The following SERBP1 variants were observed in gnomAD, a reference collection of about 807,000 sequenced individuals.
The protein encoded by SERBP1 is SERPINE1 mRNA-binding protein 1.
Under a neutral mutation model 50.2 loss-of-function variants are expected in SERBP1, and 6 were observed. The ratio of observed to expected loss-of-function variants is 0.12; its 90% CI spans 0.07 to 0.24. The LOEUF is 0.24. Among genes scored for constraint, SERBP1 ranks in the 10% least tolerant of loss-of-function variants. The pLI, the probability that SERBP1 is intolerant of heterozygous loss-of-function variation, is 1.00. For synonymous variants in SERBP1, 168 were observed against 182.8 expected (o/e 0.92, Z 0.65); for missense variants, 346 against 524.9 (o/e 0.66, Z 3.33).
intron 7 of SERBP1, among the ~76,000 whole-genome samples, chr1:67,413,545 A>G (rs1008764845): frequency 2.6e-5 from 4 of 151,178 alleles, no homozygotes; most frequent in African/African-American, 9.7e-5. Context: ...ACTACTCAAG[A>G]GGCTGAGGCA....
intron 4 of SERBP1, 79 bp downstream of exon 4, chr1:67,424,809 A>C: frequency 9.5e-7 from 1 of 1,057,764 alleles, no homozygotes; most frequent in Non-Finnish European, 1.5e-6. Flanking sequence ...TTCTTATCTC[A>C]GAGACAAGTA....
At position 67,415,248 on chromosome 1, in the gene SERBP1, C is replaced by T; in HGVS notation, c.1043G>A (p.Gly348Asp). ...SQLEINFGDL[G>D]RPGRGGRGGR... is the part of the protein sequence containing the mutation. Reference sequence around the variant, plus strand: ...TCCCCTGCCGCCACGTCCTGGGCGGCCAAGGTCTCCAAAATTGATCTCCAG... The same window carrying T: ...TCCCCTGCCGCCACGTCCTGGGCGGTCAAGGTCTCCAAAATTGATCTCCAG... The change falls in exon 7 of 8, where the codon GGC becomes GAC. Residue 348 changes from glycine (G) to aspartate (D), a missense_variant. Transcript: ENST00000361219. 6.2e-7 allele frequency: 1 copy of T among 1,613,304 alleles called. No homozygotes were observed. The highest frequency in any genetic ancestry group is 8.5e-7 in the Non-Finnish European group (1 of 1,179,594).
In SERBP1 at chr1:67,409,430, C is replaced by CACACACACACACACACACACACACA. The variant is rs1264200348; in HGVS notation, c.*3776_*3777insTGTGTGTGTGTGTGTGTGTGTGTGT. ...ACACACACACACACACCCCCACACA[C>CACACACACACACACACACACACACA]ACCAGGTCACAGGCTGAACTTTGCT... On this transcript the variant is annotated 3_prime_UTR_variant, in exon 8 of 8. Coordinates refer to ENST00000361219, the MANE Select transcript of SERBP1 (RefSeq NM_001018069.2). The CACACACACACACACACACACACACA allele has an allele frequency of 5.4e-5, 8 of 148,354 alleles. No individual in the cohort carries two copies. The highest frequency in any genetic ancestry group is 2.1e-4 in the African/African-American group (8 of 38,950). 9.2% of individuals were successfully genotyped at this position (148,354 alleles called of 1,614,324 possible).
chr1:67,426,382 C>A, intron 1 of SERBP1, 97 bp from the exon 2 acceptor site: 1 of 1,249,418 alleles, frequency 8.0e-7, no homozygotes, highest in Non-Finnish European at 1.1e-6. Context: ...CAATCCACTA[C>A]CATTTCCTGT....
At position 67,409,387 on chromosome 1, in the gene SERBP1, A is replaced by ACACACACCCC. The variant is rs1666746557; in HGVS notation, c.*3819_*3820insGGGGTGTGTG. 1 of 31,744 alleles carries ACACACACCCC rather than the reference A, an allele frequency of 3.2e-5. No individual in the cohort carries two copies. The highest frequency in any genetic ancestry group is 5.8e-5 in the Non-Finnish European group (1 of 17,326). 2.0% of individuals were successfully genotyped at this position (31,744 alleles called of 1,614,324 possible). On this transcript the variant is annotated 3_prime_UTR_variant, in exon 8 of 8. Coordinates refer to ENST00000361219, the MANE Select transcript of SERBP1 (RefSeq NM_001018069.2). ...AACCATTCTTAACTCAGGGACACGG[A>ACACACACCCC]CACACACACACACACACACACACAC... is the stretch of plus-strand genomic sequence containing the variant.
chr1:67,426,334 A>G, intron 1 of SERBP1, 49 bp from the exon 2 acceptor site: 1 of 1,529,690 alleles, frequency 6.5e-7, no homozygotes, highest in Non-Finnish European at 8.8e-7. Flanking sequence ...TGCAATCCAA[A>G]AACTTTAGGC....
At chr1:67,427,273 G>C (rs995137065) in intron 1 of SERBP1, among the ~76,000 whole-genome samples, 2 of 152,088 alleles carry the variant, frequency 1.3e-5, no homozygotes, top group African/African-American at 4.8e-5. Context: ...TTCCTGTAAT[G>C]TCTGAAACCC....
chr1:67,415,895 T>A (rs1236707586), intron 6 of SERBP1, among the ~76,000 whole-genome samples: 2 of 152,220 alleles, frequency 1.3e-5, no homozygotes, highest in Non-Finnish European at 1.5e-5. Context: ...ACTACGTTTT[T>A]CTACACAAAT....
intron 1 of SERBP1, among the ~76,000 whole-genome samples, 168 bp downstream of exon 1, chr1:67,429,820 G>GCT (rs1485298198): frequency 6.6e-6 from 1 of 152,142 alleles, no homozygotes; most frequent in Non-Finnish European, 1.5e-5. Context: ...GGGCTACCAC[G>GCT]CTCCTGGCAC....
chr1:67,422,476 C>T (rs1018513467), intron 5 of SERBP1, among the ~76,000 whole-genome samples: 4 of 150,864 alleles, frequency 2.7e-5, no homozygotes. Flanking sequence ...CGCCATTGCA[C>T]TCCAGCACAG....
At position 67,411,527 on chromosome 1, in the gene SERBP1, C is replaced by T. The variant is rs1666844056; in HGVS notation, c.*1680G>A. ...TAGCACCAGTGCAGAACATGCTCAGCATCATAAGATCCAAAACACCAGCAC... is the reference window on the plus strand; with the variant it reads ...TAGCACCAGTGCAGAACATGCTCAGTATCATAAGATCCAAAACACCAGCAC... On this transcript the variant is annotated 3_prime_UTR_variant, in exon 8 of 8. Coordinates refer to ENST00000361219, the MANE Select transcript of SERBP1 (RefSeq NM_001018069.2). The T allele has an allele frequency of 2.0e-5, 3 of 152,174 alleles. No individual in the cohort carries two copies. The South Asian group carries it at 6.2e-4, about 32-fold the overall frequency. The allele number at this position is 152,174 out of a possible 1,614,324, so 9.4% of individuals were successfully genotyped here. A position where few individuals can be genotyped will look rare whatever the true frequency, so the allele number is the denominator to read the frequency against.
chr1:67,429,952 C>T (rs1299196839), intron 1 of SERBP1, 36 bp downstream of exon 1: 2 of 1,547,216 alleles, frequency 1.3e-6, no homozygotes, highest in Middle Eastern at 1.7e-4. Context: ...TCCTTCCCTC[C>T]ATCCCAGTCT....
At chr1:67,417,979 T>TTG (rs902580005) in intron 6 of SERBP1, among the ~76,000 whole-genome samples, 2 of 138,624 alleles carry the variant, frequency 1.4e-5, no homozygotes, top group African/African-American at 5.4e-5. Context: ...TTGTTTTTTT[T>TTG]TTTTTTTTTT....
intron 2 of SERBP1, among the ~76,000 whole-genome samples, chr1:67,425,743 T>C (rs1667350277): frequency 6.6e-6 from 1 of 152,222 alleles, no homozygotes; most frequent in Non-Finnish European, 1.5e-5. Context: ...CATACAGATG[T>C]TTCTGTGAAA....
rs768733223 is a variant in SERBP1 at position 67,409,386 on chromosome 1, GACACACACACACACACAC to G, written c.*3803_*3820del. On this transcript the variant is annotated 3_prime_UTR_variant, in exon 8 of 8. Coordinates refer to ENST00000361219, the MANE Select transcript of SERBP1 (RefSeq NM_001018069.2). Reference sequence around the variant, plus strand: ...AAACCATTCTTAACTCAGGGACACGGACACACACACACACACACACACACACACACACACCCCCACACA... The same window carrying G: ...AAACCATTCTTAACTCAGGGACACGGACACACACACACACACCCCCACACA... 8.8e-6 allele frequency: 1 copy of G among 114,142 alleles called. No individual in the cohort carries two copies. The highest frequency in any genetic ancestry group is 3.0e-4 in the East Asian group (1 of 3,298). The allele number at this position is 114,142 out of a possible 1,614,324, so 7.1% of individuals were successfully genotyped here.
chr1:67,413,444 T>C (rs1282125284), intron 7 of SERBP1, among the ~76,000 whole-genome samples, 181 bp from the exon 8 acceptor site: 1 of 150,690 alleles, frequency 6.6e-6, no homozygotes, highest in Non-Finnish European at 1.5e-5. Context: ...AGGTCAGGAG[T>C]TTGAGACCAG....
chr1:67,418,295 C>A (rs1402895336), intron 6 of SERBP1, among the ~76,000 whole-genome samples: 1 of 149,580 alleles, frequency 6.7e-6, no homozygotes, highest in Non-Finnish European at 1.5e-5. Flanking sequence ...TGTTCTAATG[C>A]AGTTTTTTTT....
Position 67,413,363 on chromosome 1 carries a change from T to C in SERBP1, c.1126-100A>G, listed in dbSNP as rs1570278358. ...AGACAGAACTCTAAAAAAATCTTAC[T>C]GTTGGCCAGGCACAGTGGCTCACAC... On this transcript the variant is annotated intron_variant, in intron 7 of 7. Transcript: ENST00000361219. 7.2e-5 allele frequency: 83 copies of C among 1,151,750 alleles called. 1 individual carries two copies. In the East Asian group the frequency reaches 2.4e-3, roughly 33 times the overall value. 71.3% of individuals were successfully genotyped at this position (1,151,750 alleles called of 1,614,324 possible).
At position 67,426,079 on chromosome 1, in the gene SERBP1, C is replaced by T. The variant is rs1202534524; in HGVS notation, c.464+56G>A. 5 of 1,460,450 alleles carry T rather than the reference C, an allele frequency of 3.4e-6. No homozygotes were observed. In the East Asian group the frequency reaches 1.2e-4, roughly 35 times the overall value. The allele number at this position is 1,460,450 out of a possible 1,614,324, so 90.5% of individuals were successfully genotyped here. A position where few individuals can be genotyped will look rare whatever the true frequency, so the allele number is the denominator to read the frequency against. ...GCAGTGAGCCAAGCTTGTACCACTG[C>T]ACTCCAGCCTACATGTTAGACCAAG... is the stretch of plus-strand genomic sequence containing the variant. On this transcript the variant is annotated intron_variant, in intron 2 of 7. Coordinates refer to ENST00000361219, the MANE Select transcript of SERBP1 (RefSeq NM_001018069.2).
Sources: allele counts gnomAD v4.1 joint callset (sites outside exome capture counted in the v4.1 genomes callset), GRCh38; gene constraint gnomAD v4.1.1; transcripts MANE v1.5; gene names NCBI Gene and HGNC (gene_info 2026-07-23, HGNC 2026-07-21).